NDUFAF6: variants seen among roughly 807,000 people sequenced by gnomAD.
The protein encoded by NDUFAF6 is NADH:ubiquinone oxidoreductase complex assembly factor 6.
NDUFAF6 carries 45 observed loss-of-function variants against 40.8 expected under a neutral mutation model. That is an observed-to-expected ratio of 1.10 (90% CI 0.87 to 1.42). The LOEUF is 1.42. Among genes scored for constraint, NDUFAF6 ranks in the 40% most tolerant of loss-of-function variants. The probability of loss-of-function intolerance (pLI) is 0.00; values close to 1 mark genes in which losing one functional copy is unlikely to be tolerated. For missense variants in NDUFAF6, 435 were observed against 418.5 expected, an observed-to-expected ratio of 1.04 and a Z score of -0.34; for synonymous variants, 185 against 155.9, an observed-to-expected ratio of 1.19 and a Z score of -1.39.
At chr8:95,005,554 A>ATATATATAAATAT (rs1554657858) in intron 2 of NDUFAF6, among the ~76,000 whole-genome samples, 2 of 115,354 alleles carry the variant, frequency 1.7e-5, no homozygotes, top group African/African-American at 7.5e-5. Flanking sequence ...TATATATATA[A>ATATATATAAATAT]AAAATATATT....
intron 1 of NDUFAF6, among the ~76,000 whole-genome samples, chr8:94,911,941 T>A (rs1818811442): frequency 6.6e-6 from 1 of 152,160 alleles, no homozygotes; most frequent in Non-Finnish European, 1.5e-5. Context: ...CCACACTTGG[T>A]TTTCACAGTG....
chr8:94,967,245 G>C (rs1462120804), intron 1 of NDUFAF6, among the ~76,000 whole-genome samples: 1 of 152,130 alleles, frequency 6.6e-6, no homozygotes, highest in Non-Finnish European at 1.5e-5. Flanking sequence ...GTGTTTGTTG[G>C]GGCTCTGGCT....
chr8:95,112,597 A>G (rs966324154), intron 4 of NDUFAF6, among the ~76,000 whole-genome samples: 1 of 150,898 alleles, frequency 6.6e-6, no homozygotes, highest in African/African-American at 2.4e-5. Context: ...TCTGGCAGCC[A>G]CAGGAAACCA....
At chr8:95,065,421 C>T (rs944564731) in intron 9 of NDUFAF6, among the ~76,000 whole-genome samples, 2 of 152,154 alleles carry the variant, frequency 1.3e-5, no homozygotes, top group Non-Finnish European at 2.9e-5. Context: ...CCACTATTAA[C>T]GTTTTGGTCT....
intron 1 of NDUFAF6, among the ~76,000 whole-genome samples, chr8:94,905,459 G>A (rs1226003012): frequency 6.6e-6 from 1 of 152,056 alleles, no homozygotes; most frequent in African/African-American, 2.4e-5. Context: ...TGTAGTGAGA[G>A]GCCTACTGTT....
chr8:95,094,693 G>A (rs894084336), intron 2 of NDUFAF6, among the ~76,000 whole-genome samples: 1 of 150,656 alleles, frequency 6.6e-6, no homozygotes, highest in African/African-American at 2.4e-5. Context: ...GAGATTACAG[G>A]CGTGGGCCTC....
intron 1 of NDUFAF6, chr8:94,930,150 A>G (rs1339948696): frequency 4.1e-6 from 1 of 245,882 alleles, no homozygotes; most frequent in Non-Finnish European, 7.9e-6. Flanking sequence ...AAAGATGCCT[A>G]TTCTCGTACT....
At chr8:95,021,719 CT>C (rs1240752881), upstream of NDUFAF6, among the ~76,000 whole-genome samples, 1 of 152,180 alleles carries the variant, frequency 6.6e-6, no homozygotes, top group Admixed American at 6.5e-5. Context: ...GTTCTTTGAC[CT>C]TTATCTATAT....
chr8:94,959,519 T>A (rs1393626463), intron 1 of NDUFAF6, among the ~76,000 whole-genome samples: 1 of 127,002 alleles, frequency 7.9e-6, no homozygotes, highest in Non-Finnish European at 1.7e-5. Context: ...ATTTTTTTGT[T>A]GTTGCTTTTT....
At chr8:94,911,055 A>G (rs899538794) in intron 1 of NDUFAF6, among the ~76,000 whole-genome samples, 2 of 152,206 alleles carry the variant, frequency 1.3e-5, no homozygotes, top group Admixed American at 6.5e-5. Flanking sequence ...GTGTGTATAC[A>G]TGATTATATG....
chr8:94,939,810 A>C, intron 1 of NDUFAF6: 1 of 1,569,340 alleles, frequency 6.4e-7, no homozygotes, highest in Non-Finnish European at 8.6e-7. Context: ...GTAGAGACAA[A>C]ATGCATGCTC....
Position 94,982,046 on chromosome 8 carries a change from G to A in NDUFAF6, c.-84+1073G>A, listed in dbSNP as rs1000683443. Reference sequence around the variant, plus strand: ...AGATTGAGACCATCCTGGCTAACACGGTGAAACCACATCTCTACTAAAATA... The same window carrying A: ...AGATTGAGACCATCCTGGCTAACACAGTGAAACCACATCTCTACTAAAATA... On this transcript the variant is annotated intron_variant, in intron 2 of 9. Coordinates refer to the NDUFAF6 transcript ENST00000396111. Among the ~76,000 whole-genome samples the A allele has an allele frequency of 7.2e-5, 11 of 152,102 alleles. No homozygotes were observed. In the South Asian group the frequency reaches 8.3e-4, roughly 11 times the overall value.
chr8:94,939,771 A>G, intron 1 of NDUFAF6: 3 of 1,530,552 alleles, frequency 2.0e-6, no homozygotes, highest in Non-Finnish European at 2.6e-6. Context: ...TTAGTTTTGC[A>G]TCTTCTAATA....
At position 94,923,020 on chromosome 8, in the gene NDUFAF6, T is replaced by C. The variant is rs1172036182; in HGVS notation, c.-935-22463T>C. ...GGCAGCTCAAATGTAGAAGCAAGCC[T>C]TGCATTCAGATTGACTTGTAGTTGG... On this transcript the variant is annotated intron_variant, in intron 1 of 14. Transcript: ENST00000396113. Among the ~76,000 whole-genome samples, 8 of 152,252 alleles carry C rather than the reference T, an allele frequency of 5.3e-5. No homozygotes were observed. The South Asian group carries it at 1.7e-3, about 32-fold the overall frequency.
intron 2 of NDUFAF6, among the ~76,000 whole-genome samples, chr8:94,988,074 T>G (rs1344260652): frequency 6.6e-6 from 1 of 152,240 alleles, no homozygotes; most frequent in African/African-American, 2.4e-5. Flanking sequence ...AACTGTGTGG[T>G]TGTTGCTAAC....
At chr8:94,930,604 C>A (rs750089584) in intron 1 of NDUFAF6, 7 of 1,614,112 alleles carry the variant, frequency 4.3e-6, no homozygotes, top group Non-Finnish European at 5.1e-6. Flanking sequence ...GGCTGTCTTT[C>A]ACTGTGTTCT....
chr8:95,046,670 A>G (rs1254683351), intron 5 of NDUFAF6, among the ~76,000 whole-genome samples: 1 of 152,248 alleles, frequency 6.6e-6, no homozygotes, highest in East Asian at 1.9e-4. Flanking sequence ...AAATGAGATC[A>G]TATGGAAATT....
chr8:94,954,555 G>C (rs528562895), upstream of NDUFAF6, among the ~76,000 whole-genome samples: 1 of 152,314 alleles, frequency 6.6e-6, no homozygotes, highest in East Asian at 1.9e-4. Context: ...AGTTGGTGGG[G>C]AGGTAGTGTG....
chr8:95,009,315 C>T (rs1478530354), intron 2 of NDUFAF6, among the ~76,000 whole-genome samples: 1 of 152,118 alleles, frequency 6.6e-6, no homozygotes, highest in Non-Finnish European at 1.5e-5. Context: ...ATATATACCT[C>T]CATACGTAAG....
Sources: allele counts gnomAD v4.1 joint callset (sites outside exome capture counted in the v4.1 genomes callset), GRCh38; gene constraint gnomAD v4.1.1; transcripts MANE v1.5; gene names NCBI Gene and HGNC (gene_info 2026-07-23, HGNC 2026-07-21).